Variants in CRADD observed in about 807,000 individuals in gnomAD.
CRADD encodes CARD and death domain containing adaptor protein.
In CRADD, 9 loss-of-function variants were observed where a neutral mutation model predicts 15.5. The observed-to-expected ratio is 0.58, with a 90% CI of 0.35 to 1.01. The LOEUF is 1.01. CRADD is among the 50% of genes least tolerant of loss of function. The pLI is 0.02. For missense variants in CRADD, 227 were observed against 250.3 expected, an observed-to-expected ratio of 0.91 and a Z score of 0.63; for synonymous variants, 118 against 107.6, an observed-to-expected ratio of 1.10 and a Z score of -0.60.
intron 2 of CRADD, among the ~76,000 whole-genome samples, chr12:93,883,597 C>A (rs987669159): frequency 2.0e-5 from 3 of 152,088 alleles, no homozygotes; most frequent in African/African-American, 7.2e-5. Context: ...GTGGGAGGAT[C>A]ACTTGAGGCC....
At chr12:93,877,856 C>G (rs748668104) in intron 2 of CRADD, among the ~76,000 whole-genome samples, 3 of 152,094 alleles carry the variant, frequency 2.0e-5, no homozygotes, top group African/African-American at 7.2e-5. Flanking sequence ...TGTGGCTGTG[C>G]TAGTACCTAA....
intron 2 of CRADD, among the ~76,000 whole-genome samples, chr12:93,821,591 A>C (rs1215906716): frequency 6.6e-6 from 1 of 152,248 alleles, no homozygotes; most frequent in African/African-American, 2.4e-5. Flanking sequence ...ATCTGTTGCC[A>C]CATGAAAATT....
chr12:93,721,845 C>T (rs912026520), intron 2 of CRADD, among the ~76,000 whole-genome samples: 1 of 152,036 alleles, frequency 6.6e-6, no homozygotes, highest in East Asian at 1.9e-4. Context: ...TACATTGTTG[C>T]CATTATTATT....
At position 93,703,982 on chromosome 12, in the gene CRADD, T is replaced by C. The variant is rs1158343158; in HGVS notation, c.298+24910T>C. 2.9e-5 allele frequency among the ~76,000 whole-genome samples: 4 copies of C among 137,504 alleles called. No homozygotes were observed. In the East Asian group the frequency reaches 6.1e-4, roughly 21 times the overall value. 90.2% of individuals were successfully genotyped at this position (137,504 alleles called of 152,430 possible). A position where few individuals can be genotyped will look rare whatever the true frequency, so the allele number is the denominator to read the frequency against. Reference sequence around the variant, plus strand: ...GTCAAATTATTTGGAGCCTTTCTTTTTTTTTTTTTTTTTTTTTTGTAGAGA... The same window carrying C: ...GTCAAATTATTTGGAGCCTTTCTTTCTTTTTTTTTTTTTTTTTTGTAGAGA... On this transcript the variant is annotated intron_variant, in intron 2 of 2. Coordinates refer to ENST00000332896, the MANE Select transcript of CRADD (RefSeq NM_003805.5).
intron 2 of CRADD, chr12:93,815,158 A>G (rs1957681228): frequency 6.6e-6 from 1 of 152,252 alleles, no homozygotes; most frequent in African/African-American, 2.4e-5. Flanking sequence ...CGGACATTCA[A>G]GGAATCCGAC....
chr12:93,721,391 C>T (rs1022214876), intron 2 of CRADD, among the ~76,000 whole-genome samples: 7 of 152,074 alleles, frequency 4.6e-5, no homozygotes, highest in Admixed American at 4.6e-4. Context: ...CTGTCTTATG[C>T]TGTCATTCAT....
intron 2 of CRADD, among the ~76,000 whole-genome samples, chr12:93,831,806 CTG>C (rs1297820153): frequency 6.6e-6 from 1 of 152,226 alleles, no homozygotes; most frequent in Non-Finnish European, 1.5e-5. Context: ...CTGCATCTGT[CTG>C]TATCACATGC....
At chr12:93,795,190 T>C (rs1463330643) in intron 2 of CRADD, among the ~76,000 whole-genome samples, 3 of 152,180 alleles carry the variant, frequency 2.0e-5, no homozygotes, top group Non-Finnish European at 2.9e-5. Context: ...CTGGAACATA[T>C]AGAAGGTTAA....
rs1055993250 is a variant in CRADD at position 93,772,594 on chromosome 12, A to G, written c.299-77376A>G. On this transcript the variant is annotated intron_variant, in intron 2 of 2. Coordinates refer to ENST00000332896, the MANE Select transcript of CRADD (RefSeq NM_003805.5). ...CAGTGCTTTTTCAATTAGCATTTAA[A>G]TATCACTCTTAATGATGTTAGATTG... Among the ~76,000 whole-genome samples, 12 of 152,356 alleles carry G rather than the reference A, an allele frequency of 7.9e-5. No individual in the cohort carries two copies. The East Asian group carries it at 2.1e-3, about 27-fold the overall frequency.
At chr12:93,848,187 C>A (rs1182920161) in intron 2 of CRADD, among the ~76,000 whole-genome samples, 1 of 151,724 alleles carries the variant, frequency 6.6e-6, no homozygotes, top group Non-Finnish European at 1.5e-5. Context: ...TTATACAAGC[C>A]GTAAAATCAT....
chr12:93,818,541 G>A (rs750488290), intron 2 of CRADD, among the ~76,000 whole-genome samples: 11 of 152,180 alleles, frequency 7.2e-5, no homozygotes, highest in Admixed American at 3.3e-4. Flanking sequence ...ACATACTAGC[G>A]GGTGGGAGGT....
chr12:93,760,469 A>G (rs1041539941), intron 2 of CRADD, among the ~76,000 whole-genome samples: 1 of 152,200 alleles, frequency 6.6e-6, no homozygotes, highest in African/African-American at 2.4e-5. Flanking sequence ...TGTAAGAAAA[A>G]TGAGCTAGGT....
intron 2 of CRADD, among the ~76,000 whole-genome samples, chr12:93,763,429 G>A (rs1195796227): frequency 6.6e-6 from 1 of 151,524 alleles, no homozygotes; most frequent in Non-Finnish European, 1.5e-5. Context: ...TCAGGGGGCT[G>A]CAAGTCAAGT....
At chr12:93,836,786 CTA>C (rs1957977372) in intron 2 of CRADD, among the ~76,000 whole-genome samples, 1 of 152,204 alleles carries the variant, frequency 6.6e-6, no homozygotes, top group South Asian at 2.1e-4. Context: ...GTGCAAGGCA[CTA>C]CCCTGGGTGC....
At chr12:93,742,405 GGCAGGGAGGCGC>G (rs1191832613) in intron 2 of CRADD, among the ~76,000 whole-genome samples, 1 of 150,626 alleles carries the variant, frequency 6.6e-6, no homozygotes, top group Non-Finnish European at 1.5e-5. Flanking sequence ...CGCGCAGCGG[GGCAGGGAGGCGC>G]GCGGCCCCAG....
intron 2 of CRADD, among the ~76,000 whole-genome samples, chr12:93,810,693 C>CATGT (rs1313858108): frequency 2.0e-5 from 3 of 151,572 alleles, no homozygotes; most frequent in Non-Finnish European, 4.4e-5. Context: ...AAACGGGCTC[C>CATGT]ATGTCATGCC....
At chr12:93,693,563 T>C (rs945587413) in intron 2 of CRADD, among the ~76,000 whole-genome samples, 2 of 152,010 alleles carry the variant, frequency 1.3e-5, no homozygotes, top group Non-Finnish European at 2.9e-5. Flanking sequence ...TAAATATATA[T>C]GCACCAATCA....
At chr12:93,783,877 G>A (rs1331194797) in intron 2 of CRADD, among the ~76,000 whole-genome samples, 2 of 152,108 alleles carry the variant, frequency 1.3e-5, no homozygotes, top group African/African-American at 4.8e-5. Flanking sequence ...AAATGACATT[G>A]GCTTTTGTAA....
chr12:93,740,660 G>C (rs965944903), intron 2 of CRADD, among the ~76,000 whole-genome samples: 1 of 152,116 alleles, frequency 6.6e-6, no homozygotes, highest in Non-Finnish European at 1.5e-5. Flanking sequence ...AGTCACACTT[G>C]ATCATTCAGA....
Sources: gnomAD v4.1 joint callset for allele counts (sites outside exome capture counted in the v4.1 genomes callset) on GRCh38, gnomAD v4.1.1 for gene constraint, MANE v1.5 for transcripts, NCBI Gene and HGNC (gene_info 2026-07-23, HGNC 2026-07-21) for gene names.